THSD7A: variants seen among roughly 807,000 people sequenced by gnomAD.
THSD7A encodes the protein thrombospondin type 1 domain containing 7A.
In THSD7A, 96 loss-of-function variants were observed where a neutral mutation model predicts 231.3. The ratio of observed to expected loss-of-function variants is 0.41; its 90% CI spans 0.35 to 0.49. The LOEUF (loss-of-function observed/expected upper bound fraction) is 0.49, where lower values mean the gene tolerates loss of function less well. Ranked by LOEUF, THSD7A falls within the 20% of genes least tolerant of loss-of-function variation. The pLI is 0.05. For synonymous variants in THSD7A, 940 were observed against 743.3 expected (o/e 1.26, Z -4.30); for missense variants, 2,290 against 2,070.2 (o/e 1.11, Z -2.06).
Position 11,460,711 on chromosome 7 carries a change from T to C in THSD7A, c.2556A>G (p.Gln852=). Residue 852 remains glutamine, a synonymous_variant, in exon 11 of 28, where the codon CAA becomes CAG. Transcript: ENST00000423059. ...AGCCTTCCTGTGCTCCAGGGCTGTC[T>C]TGTTGCACGCTCCAAGGGACTAATT... ...RCQLVPWSVQ[Q]DSPGAQEGCG... The C allele has an allele frequency of 6.2e-7, 1 of 1,612,616 alleles. No individual in the cohort carries two copies. The highest frequency in any genetic ancestry group is 8.5e-7 in the Non-Finnish European group (1 of 1,179,370).
intron 4 of THSD7A, among the ~76,000 whole-genome samples, chr7:11,565,311 A>G (rs532648026): frequency 6.6e-6 from 1 of 152,352 alleles, no homozygotes; most frequent in East Asian, 1.9e-4. Flanking sequence ...TAATCAAAAA[A>G]GTTCTGCAAA....
chr7:11,739,062 T>G (rs150678776), intron 1 of THSD7A, among the ~76,000 whole-genome samples: 21 of 152,158 alleles, frequency 1.4e-4, no homozygotes, highest in Admixed American at 1.4e-3. Flanking sequence ...TTAGTGTAAT[T>G]ATTTTTATTC....
chr7:11,427,532 C>A (rs2115422170), intron 14 of THSD7A, among the ~76,000 whole-genome samples: 1 of 152,162 alleles, frequency 6.6e-6, no homozygotes, highest in African/African-American at 2.4e-5. Context: ...TTTGGAAATT[C>A]ACTTAAGGAA....
chr7:11,468,451 T>C (rs779928337), intron 9 of THSD7A, among the ~76,000 whole-genome samples: 2 of 151,968 alleles, frequency 1.3e-5, no homozygotes, highest in African/African-American at 2.4e-5. Flanking sequence ...TGACACTGCA[T>C]AGCAAGTTCA....
At chr7:11,432,450 T>C (rs1396319127) in intron 13 of THSD7A, among the ~76,000 whole-genome samples, 1 of 152,082 alleles carries the variant, frequency 6.6e-6, no homozygotes, top group Non-Finnish European at 1.5e-5. Flanking sequence ...TCCAGAACTC[T>C]CCTCCGTATT....
At chr7:11,593,225 A>C (rs1233239163) in intron 3 of THSD7A, 29 bp downstream of exon 3, 1 of 1,606,562 alleles carries the variant, frequency 6.2e-7, no homozygotes, top group Non-Finnish European at 8.5e-7. Flanking sequence ...TAGTTTCGGC[A>C]GACGCTATAC....
chr7:11,779,801 C>T (rs983050246), intron 1 of THSD7A, among the ~76,000 whole-genome samples: 1 of 152,124 alleles, frequency 6.6e-6, no homozygotes, highest in African/African-American at 2.4e-5. Flanking sequence ...CAAAACACAA[C>T]TAAATAATTT....
At chr7:11,387,085 C>T (rs917915548) in intron 23 of THSD7A, among the ~76,000 whole-genome samples, 1 of 152,110 alleles carries the variant, frequency 6.6e-6, no homozygotes, top group Non-Finnish European at 1.5e-5. Flanking sequence ...TGTTTTGGTA[C>T]CAGTACCATG....
At chr7:11,459,299 A>G (rs538613072) in intron 11 of THSD7A, among the ~76,000 whole-genome samples, 27 of 152,050 alleles carry the variant, frequency 1.8e-4, no homozygotes, top group South Asian at 8.3e-4. Flanking sequence ...ATGTTTCCTG[A>G]TTCCCAAACT....
rs1402667002 is a variant in THSD7A, at chr7:11,637,967, T to C, written c.191-1006A>G. Among the ~76,000 whole-genome samples the C allele has an allele frequency of 6.6e-6, 1 of 150,744 alleles. No individual in the cohort carries two copies. Among genetic ancestry groups the C allele is most frequent in the Admixed American group, 6.7e-5 (1 of 14,912 alleles). On this transcript the variant is annotated intron_variant, in intron 1 of 27. Coordinates refer to ENST00000423059, the MANE Select transcript of THSD7A (RefSeq NM_015204.3). The surrounding 1 kb of genome is among the most constrained non-coding windows in gnomAD (Gnocchi z 4.2). ...ATGTAAGTACATGATTTTCAAAAAG[T>C]ATTCCATGAATTTGAGAAATTGTTT...
intron 2 of THSD7A, among the ~76,000 whole-genome samples, chr7:11,596,862 C>T (rs566371454): frequency 6.6e-5 from 10 of 152,370 alleles, no homozygotes; most frequent in African/African-American, 2.4e-4. Context: ...CAGCCATTGA[C>T]ATGGCAAGTG....
chr7:11,645,902 T>C (rs1782260226), intron 1 of THSD7A, among the ~76,000 whole-genome samples: 1 of 151,888 alleles, frequency 6.6e-6, no homozygotes, highest in Non-Finnish European at 1.5e-5. Context: ...TTTCTTTGGA[T>C]GCAGTTAAAC....
intron 6 of THSD7A, among the ~76,000 whole-genome samples, chr7:11,525,881 A>C (rs1432073783): frequency 6.6e-6 from 1 of 152,222 alleles, no homozygotes; most frequent in Non-Finnish European, 1.5e-5. Context: ...TTCTAAATGT[A>C]ACGTGTGACT....
intron 1 of THSD7A, among the ~76,000 whole-genome samples, chr7:11,825,058 ATT>A (rs965160058): frequency 6.9e-6 from 1 of 145,936 alleles, no homozygotes; most frequent in African/African-American, 2.6e-5. Context: ...TTTTCTATAT[ATT>A]TTTTTTTGTC....
intron 1 of THSD7A, among the ~76,000 whole-genome samples, chr7:11,746,119 A>C (rs1345650119): frequency 6.6e-6 from 1 of 151,194 alleles, no homozygotes; most frequent in African/African-American, 2.5e-5. Flanking sequence ...AGGTTTAATC[A>C]ACCTTTTAAT....
intron 1 of THSD7A, among the ~76,000 whole-genome samples, chr7:11,795,494 G>C (rs1169102358): frequency 6.6e-6 from 1 of 151,900 alleles, no homozygotes; most frequent in Non-Finnish European, 1.5e-5. Flanking sequence ...TCCCGGGAAT[G>C]ACATGACGAA....
At chr7:11,610,516 G>T (rs938825510) in intron 2 of THSD7A, among the ~76,000 whole-genome samples, 1 of 152,088 alleles carries the variant, frequency 6.6e-6, no homozygotes, top group Admixed American at 6.6e-5. Flanking sequence ...TATTTTAAAA[G>T]ATCCTACCCA....
Position 11,502,929 on chromosome 7 carries a change from T to C in THSD7A, c.1823-20947A>G, listed in dbSNP as rs189992526. Among the ~76,000 whole-genome samples, 246 of 152,200 alleles carry C rather than the reference T, an allele frequency of 1.6e-3. 1 individual carries two copies. The highest frequency in any genetic ancestry group is 5.7e-3 in the African/African-American group (236 of 41,560). On this transcript the variant is annotated intron_variant, in intron 6 of 27. Coordinates refer to ENST00000423059, the MANE Select transcript of THSD7A (RefSeq NM_015204.3). Reference sequence around the variant, plus strand: ...ATTCCTATCAATCCATCAATAACATTCTTGACATTCTTCATTCTTCTAGAA... The same window carrying C: ...ATTCCTATCAATCCATCAATAACATCCTTGACATTCTTCATTCTTCTAGAA...
chr7:11,688,457 A>G (rs1178431693), intron 1 of THSD7A, among the ~76,000 whole-genome samples: 1 of 151,864 alleles, frequency 6.6e-6, no homozygotes, highest in Admixed American at 6.6e-5. Flanking sequence ...AAGAGTGCAT[A>G]TAATCATTCA....
Sources: gnomAD v4.1 joint callset for allele counts (sites outside exome capture counted in the v4.1 genomes callset) on GRCh38, gnomAD v4.1.1 for gene constraint, Gnocchi (gnomAD v3.1) non-coding constraint, MANE v1.5 for transcripts, NCBI Gene and HGNC (gene_info 2026-07-23, HGNC 2026-07-21) for gene names.